The following WDR70 variants were observed in gnomAD, a reference collection of about 807,000 sequenced individuals.
The protein encoded by WDR70 is WD repeat domain 70.
Under a neutral mutation model 88.6 loss-of-function variants are expected in WDR70, and 53 were observed. That is an observed-to-expected ratio of 0.60 (90% CI 0.48 to 0.75). The LOEUF is 0.75. Among genes scored for constraint, WDR70 ranks in the 30% least tolerant of loss-of-function variants. The probability of loss-of-function intolerance (pLI) is 0.00; values close to 1 mark genes in which losing one functional copy is unlikely to be tolerated. For missense variants in WDR70, 610 were observed against 823.2 expected, an observed-to-expected ratio of 0.74 and a Z score of 3.17; for synonymous variants, 280 against 270.0, an observed-to-expected ratio of 1.04 and a Z score of -0.36.
chr5:37,417,281 T>A (rs1749789052), intron 5 of WDR70, among the ~76,000 whole-genome samples: 1 of 152,170 alleles, frequency 6.6e-6, no homozygotes. Flanking sequence ...TAGAGTGCAG[T>A]GGCATGCTCA....
At chr5:37,560,830 A>G (rs901577877) in intron 9 of WDR70, among the ~76,000 whole-genome samples, 4 of 91,918 alleles carry the variant, frequency 4.4e-5, no homozygotes, top group South Asian at 3.3e-4. Context: ...TTTTTTTTTA[A>G]GAGACAGAGT....
At position 37,394,505 on chromosome 5, in the gene WDR70, C is replaced by T. The variant is rs369416757; in HGVS notation, c.297-1870C>T. Among the ~76,000 whole-genome samples, 118 of 152,206 alleles carry T rather than the reference C, an allele frequency of 7.8e-4. 1 individual carries two copies. The South Asian group carries it at 0.024, about 31-fold the overall frequency. On this transcript the variant is annotated intron_variant, in intron 4 of 17. Coordinates refer to ENST00000265107, the MANE Select transcript of WDR70 (RefSeq NM_018034.4). ...GAGACCTTTGTTCTCACTGAGCTCA[C>T]GTTGTTGTGGGAGTATTTGAAGGGA...
chr5:37,670,970 G>A (rs1746007758), intron 10 of WDR70, among the ~76,000 whole-genome samples: 1 of 152,088 alleles, frequency 6.6e-6, no homozygotes, highest in South Asian at 2.1e-4. Flanking sequence ...CCTTCCTACA[G>A]GTCTCTAAAA....
At chr5:37,749,034 A>G (rs1371777633) in intron 17 of WDR70, among the ~76,000 whole-genome samples, 1 of 152,162 alleles carries the variant, frequency 6.6e-6, no homozygotes, top group South Asian at 2.1e-4. Flanking sequence ...TCAACCATTG[A>G]GGTAGACAGT....
At chr5:37,547,742 T>C (rs1742037155) in intron 9 of WDR70, among the ~76,000 whole-genome samples, 1 of 152,146 alleles carries the variant, frequency 6.6e-6, no homozygotes, top group Non-Finnish European at 1.5e-5. Context: ...TATTCATTTA[T>C]TCATTCAATT....
intron 17 of WDR70, among the ~76,000 whole-genome samples, chr5:37,751,634 T>C (rs1026295540): frequency 6.6e-6 from 1 of 152,222 alleles, no homozygotes; most frequent in Non-Finnish European, 1.5e-5. Flanking sequence ...TGATTCTAAA[T>C]GAAAATACAA....
In WDR70 at chr5:37,563,049, C is replaced by T. The variant is rs1200769655; in HGVS notation, c.918-42015C>T. Among the ~76,000 whole-genome samples the T allele has an allele frequency of 2.5e-3, 246 of 97,934 alleles. 5 individuals carry two copies. The highest frequency in any genetic ancestry group is 8.1e-3 in the African/African-American group (232 of 28,788). The allele number at this position is 97,934 out of a possible 152,430, so 64.2% of individuals were successfully genotyped here. ...CCGGGCAGAGGCGCCCCTCACCTCC[C>T]GGACGGGGCGGCTGGCCGGGCGGGG... On this transcript the variant is annotated intron_variant, in intron 9 of 17. Coordinates refer to ENST00000265107, the MANE Select transcript of WDR70 (RefSeq NM_018034.4).
chr5:37,603,685 A>G (rs964300306), intron 9 of WDR70, among the ~76,000 whole-genome samples: 6 of 152,208 alleles, frequency 3.9e-5, no homozygotes, highest in South Asian at 2.1e-4. Context: ...TAATTTTATT[A>G]TTGATGAGGT....
At chr5:37,462,315 T>C (rs1206457143) in intron 7 of WDR70, among the ~76,000 whole-genome samples, 1 of 152,128 alleles carries the variant, frequency 6.6e-6, no homozygotes, top group Non-Finnish European at 1.5e-5. Context: ...AATTAATTAA[T>C]TTTTTGAGAC....
intron 5 of WDR70, 126 bp from the exon 6 acceptor site, chr5:37,437,796 T>G: frequency 1.1e-6 from 1 of 881,704 alleles, no homozygotes; most frequent in Non-Finnish European, 1.7e-6. Context: ...TTGCTGTTTT[T>G]TTAAGCTTTG....
chr5:37,656,487 A>G (rs745822189), intron 10 of WDR70, among the ~76,000 whole-genome samples: 32 of 152,340 alleles, frequency 2.1e-4, no homozygotes, highest in Admixed American at 3.9e-4. Flanking sequence ...TGGGAGATCC[A>G]CTGCTCTCTT....
intron 17 of WDR70, among the ~76,000 whole-genome samples, chr5:37,751,814 A>G (rs986732385): frequency 3.9e-5 from 6 of 152,194 alleles, no homozygotes; most frequent in South Asian, 2.1e-4. Context: ...GATGTCATTG[A>G]ACCGGTATGT....
intron 2 of WDR70, among the ~76,000 whole-genome samples, chr5:37,380,785 C>T (rs146928746): frequency 0.03 from 4,489 of 152,136 alleles, 97 homozygotes; most frequent in Middle Eastern, 0.11. Context: ...GTAGCTGGGA[C>T]CACAGATGTG....
chr5:37,540,477 G>T (rs1741785296), intron 9 of WDR70, among the ~76,000 whole-genome samples: 1 of 152,148 alleles, frequency 6.6e-6, no homozygotes, highest in South Asian at 2.1e-4. Flanking sequence ...CGCCTCCCAG[G>T]TTCAAGCCAT....
At chr5:37,686,575 TAA>T (rs967608872) in intron 10 of WDR70, among the ~76,000 whole-genome samples, 2 of 150,884 alleles carry the variant, frequency 1.3e-5, no homozygotes, top group African/African-American at 4.9e-5. Context: ...CTCTACAAAA[TAA>T]AAGTATAAAA....
intron 8 of WDR70, among the ~76,000 whole-genome samples, chr5:37,514,347 T>C (rs1294916758): frequency 4.4e-4 from 29 of 65,238 alleles, no homozygotes; most frequent in African/African-American, 9.9e-4. Flanking sequence ...TACATATATA[T>C]ATATATATAT....
chr5:37,733,231 CCTTCTCCTTTGT>C (rs1748203154), intron 17 of WDR70, among the ~76,000 whole-genome samples: 2 of 152,016 alleles, frequency 1.3e-5, no homozygotes. Context: ...CTTCACATTG[CCTTCTCCTTTGT>C]CTTCTCCTTT....
chr5:37,687,695 C>T (rs879786878), intron 10 of WDR70, among the ~76,000 whole-genome samples: 15 of 151,702 alleles, frequency 9.9e-5, no homozygotes, highest in Admixed American at 3.3e-4. Flanking sequence ...ATTCTCATTC[C>T]GTTCATTATA....
At chr5:37,588,688 C>T (rs753407467) in intron 9 of WDR70, among the ~76,000 whole-genome samples, 6 of 151,852 alleles carry the variant, frequency 4.0e-5, no homozygotes, top group Non-Finnish European at 7.4e-5. Flanking sequence ...GTGATCCTCC[C>T]ACCTCGGCCT....
Sources: gnomAD v4.1 joint callset for allele counts (sites outside exome capture counted in the v4.1 genomes callset) on GRCh38, gnomAD v4.1.1 for gene constraint, MANE v1.5 for transcripts, NCBI Gene and HGNC (gene_info 2026-07-23, HGNC 2026-07-21) for gene names.